The following DACH2 variants were observed in gnomAD, a reference collection of about 807,000 sequenced individuals.
DACH2 encodes dachshund homolog 2.
A neutral mutation model predicts 35.8 loss-of-function variants in DACH2; 17 were observed. The observed-to-expected ratio is 0.48, with a 90% CI of 0.33 to 0.71. The LOEUF (loss-of-function observed/expected upper bound fraction) is 0.71, where lower values mean the gene tolerates loss of function less well. Ranked by LOEUF, DACH2 falls within the 30% of genes least tolerant of loss-of-function variation. The pLI is 0.02. For synonymous variants in DACH2, 195 were observed against 177.3 expected (o/e 1.10, Z -0.79); for missense variants, 469 against 472.7 (o/e 0.99, Z 0.07).
chrX:86,427,934 A>C (rs2036920833), intron 2 of DACH2, among the ~76,000 whole-genome samples: 1 of 111,929 alleles, frequency 8.9e-6, no homozygotes, highest in Non-Finnish European at 1.9e-5. Context: ...AGGTAGTGTA[A>C]GTAGTTCTTT....
chrX:86,530,563 G>A (rs1455128103), intron 3 of DACH2, among the ~76,000 whole-genome samples: 2 of 111,446 alleles, frequency 1.8e-5, no homozygotes, highest in South Asian at 3.8e-4. Flanking sequence ...CTGCCATGAT[G>A]GTAAGTTTCC....
Position 86,739,722 on chromosome X carries a change from C to T in DACH2, c.1105-25C>T, listed in dbSNP as rs1445430667. ...AAAACTTGGCGCATAGATGACATTTCCTTTTGTGTTTCCTTTTGTGTCAGG... is the reference window on the plus strand; with the variant it reads ...AAAACTTGGCGCATAGATGACATTTTCTTTTGTGTTTCCTTTTGTGTCAGG... On this transcript the variant is annotated intron_variant, in intron 6 of 11. Transcript: ENST00000373125. 7.7e-6 allele frequency: 9 copies of T among 1,162,916 alleles called. No homozygotes were observed. The East Asian group carries it at 2.9e-4, about 38-fold the overall frequency.
intron 7 of DACH2, among the ~76,000 whole-genome samples, chrX:86,779,384 A>G (rs1456069896): frequency 2.7e-5 from 3 of 111,667 alleles, no homozygotes. Context: ...AATGAAAGGG[A>G]ATGTAGTAGA....
At chrX:86,659,366 T>A (rs1250356785) in intron 4 of DACH2, among the ~76,000 whole-genome samples, 1 of 111,204 alleles carries the variant, frequency 9.0e-6, no homozygotes, top group Non-Finnish European at 1.9e-5. Flanking sequence ...TCCTAATACC[T>A]CATCTAGTGA....
At chrX:86,560,484 G>C (rs1415617754) in intron 3 of DACH2, among the ~76,000 whole-genome samples, 1 of 106,998 alleles carries the variant, frequency 9.3e-6, no homozygotes, top group East Asian at 3.0e-4. Context: ...CTGAAAGTTG[G>C]CCTGCCTTGC....
chrX:86,199,943 C>A (rs952848302), intron 1 of DACH2, among the ~76,000 whole-genome samples: 2 of 112,012 alleles, frequency 1.8e-5, no homozygotes, highest in African/African-American at 6.5e-5. Context: ...TAGAAAAAAA[C>A]TATTTTAAAA....
chrX:86,245,584 G>C (rs192807448), intron 1 of DACH2, among the ~76,000 whole-genome samples: 6 of 111,819 alleles, frequency 5.4e-5, no homozygotes, highest in African/African-American at 1.9e-4. Context: ...TTGGTCCCCT[G>C]AAACCAGCCA....
chrX:86,702,554 A>G (rs1009445807), intron 5 of DACH2, among the ~76,000 whole-genome samples: 5 of 111,791 alleles, frequency 4.5e-5, no homozygotes, highest in African/African-American at 1.6e-4. Flanking sequence ...AAGAAGAGAG[A>G]TGATTCAAAT....
At chrX:86,662,563 A>C (rs2040617484) in intron 4 of DACH2, among the ~76,000 whole-genome samples, 1 of 110,142 alleles carries the variant, frequency 9.1e-6, no homozygotes, top group Admixed American at 9.6e-5. Flanking sequence ...GCTGCACTCC[A>C]GCCTGGGTGA....
chrX:86,685,864 C>G (rs2040936877), intron 4 of DACH2, among the ~76,000 whole-genome samples: 1 of 111,399 alleles, frequency 9.0e-6, no homozygotes, highest in African/African-American at 3.3e-5. Context: ...GATCCTAACA[C>G]CTTCCACCAG....
intron 11 of DACH2, among the ~76,000 whole-genome samples, chrX:86,822,099 A>T (rs1477906611): frequency 8.9e-6 from 1 of 112,005 alleles, no homozygotes; most frequent in East Asian, 2.8e-4. Flanking sequence ...GGTATACCTG[A>T]AGGACATGCA....
chrX:86,554,469 G>T (rs1569438441), intron 3 of DACH2, among the ~76,000 whole-genome samples: 1 of 111,219 alleles, frequency 9.0e-6, no homozygotes, highest in Non-Finnish European at 1.9e-5. Context: ...TTACACAGGG[G>T]CATATATAGC....
At chrX:86,252,567 C>T (rs1375187406) in intron 1 of DACH2, among the ~76,000 whole-genome samples, 1 of 111,246 alleles carries the variant, frequency 9.0e-6, no homozygotes, top group East Asian at 2.8e-4. Flanking sequence ...ATGTGGCTTG[C>T]CAATTATCCC....
Position 86,221,877 on chromosome X carries a change from C to A in DACH2, c.488+72769C>A, listed in dbSNP as rs772786768. Reference sequence around the variant, plus strand: ...TGGGCAGGTTTAATTTTTATTGAGGCCTTTCTCCTTAGCTTGCAGATGGCT... The same window carrying A: ...TGGGCAGGTTTAATTTTTATTGAGGACTTTCTCCTTAGCTTGCAGATGGCT... On this transcript the variant is annotated intron_variant, in intron 1 of 11. Coordinates refer to ENST00000373125, the MANE Select transcript of DACH2 (RefSeq NM_053281.3). Among the ~76,000 whole-genome samples, 8 of 112,178 alleles carry A rather than the reference C, an allele frequency of 7.1e-5. No individual in the cohort carries two copies. The East Asian group carries it at 2.3e-3, about 32-fold the overall frequency.
chrX:86,331,446 T>G (rs1456657831), intron 1 of DACH2, among the ~76,000 whole-genome samples: 2 of 110,306 alleles, frequency 1.8e-5, no homozygotes, highest in Admixed American at 2.0e-4. Flanking sequence ...TAAATTAGAA[T>G]GTAAATCCTG....
At chrX:86,301,262 G>A (rs1178314625) in intron 1 of DACH2, among the ~76,000 whole-genome samples, 1 of 111,935 alleles carries the variant, frequency 8.9e-6, no homozygotes, top group African/African-American at 3.2e-5. Context: ...AAGTTTTCCA[G>A]CAAGACAATG....
At chrX:86,661,713 G>T (rs904266400) in intron 4 of DACH2, among the ~76,000 whole-genome samples, 7 of 112,204 alleles carry the variant, frequency 6.2e-5, no homozygotes, top group African/African-American at 2.3e-4. Context: ...GAGTAGAATT[G>T]CTGGGTAAAA....
intron 2 of DACH2, among the ~76,000 whole-genome samples, chrX:86,464,986 T>A (rs2037641200): frequency 1.8e-5 from 2 of 112,349 alleles, no homozygotes; most frequent in African/African-American, 6.5e-5. Context: ...TGTAATAAAG[T>A]ATATGAGTGA....
chrX:86,309,488 T>G (rs746164528), intron 1 of DACH2, among the ~76,000 whole-genome samples: 8 of 112,072 alleles, frequency 7.1e-5, no homozygotes, highest in Non-Finnish European at 1.5e-4. Context: ...TTTGTCATAA[T>G]ATTTTTGGAG....
Sources: allele counts gnomAD v4.1 joint callset (sites outside exome capture counted in the v4.1 genomes callset), GRCh38; gene constraint gnomAD v4.1.1; transcripts MANE v1.5; gene names NCBI Gene and HGNC (gene_info 2026-07-23, HGNC 2026-07-21).